The following STK3 variants were observed in gnomAD, a reference collection of about 807,000 sequenced individuals.
STK3 encodes the protein serine/threonine-protein kinase 3.
STK3 carries 41 observed loss-of-function variants against 58.0 expected under a neutral mutation model. The observed-to-expected ratio is 0.71, with a 90% CI of 0.55 to 0.92. The LOEUF (loss-of-function observed/expected upper bound fraction) is 0.92. Among genes scored for constraint, STK3 ranks in the 40% least tolerant of loss-of-function variants. STK3 has a pLI of 0.00. For synonymous variants in STK3, 170 were observed against 191.0 expected (o/e 0.89, Z 0.91); for missense variants, 479 against 602.7 (o/e 0.79, Z 2.15).
chr8:98,627,606 AG>A (rs1818833049), intron 6 of STK3, among the ~76,000 whole-genome samples: 1 of 152,104 alleles, frequency 6.6e-6, no homozygotes, highest in Non-Finnish European at 1.5e-5. Flanking sequence ...TGCCTCAGGA[AG>A]TAAAAGCTTC....
chr8:98,881,433 T>C (rs183960216), downstream of STK3: 2 of 152,352 alleles, frequency 1.3e-5, no homozygotes, highest in African/African-American at 4.8e-5. Context: ...TTCTGTCCGA[T>C]ACTGTTGTGG....
intron 10 of STK3, among the ~76,000 whole-genome samples, chr8:98,522,148 C>T (rs2131458914): frequency 6.6e-6 from 1 of 152,170 alleles, no homozygotes; most frequent in South Asian, 2.1e-4. Context: ...CAGGAGTTAG[C>T]CATTGGAAAA....
intron 1 of STK3, among the ~76,000 whole-genome samples, chr8:98,778,056 G>A (rs1335846006): frequency 2.6e-5 from 4 of 152,142 alleles, no homozygotes; most frequent in Non-Finnish European, 5.9e-5. Context: ...AAGAGCTTCT[G>A]CACAGCAAAA....
At chr8:98,938,153 T>TAA (rs60711152) in intron 1 of STK3, among the ~76,000 whole-genome samples, 269 of 148,422 alleles carry the variant, frequency 1.8e-3, no homozygotes, top group Non-Finnish European at 2.6e-3. Context: ...AATTAAAGCT[T>TAA]AAAAAAAAAA....
chr8:98,585,307 T>A (rs889974395), intron 7 of STK3, among the ~76,000 whole-genome samples: 1 of 152,248 alleles, frequency 6.6e-6, no homozygotes, highest in African/African-American at 2.4e-5. Flanking sequence ...TTCAGCCTTC[T>A]ACATATGACT....
At chr8:98,754,747 T>C (rs2131378108) in intron 3 of STK3, among the ~76,000 whole-genome samples, 1 of 152,238 alleles carries the variant, frequency 6.6e-6, no homozygotes. Context: ...TGGCCTCATG[T>C]GTTCTGCCTG....
chr8:98,737,152 G>C (rs1828665100), intron 4 of STK3, among the ~76,000 whole-genome samples: 1 of 151,866 alleles, frequency 6.6e-6, no homozygotes, highest in Non-Finnish European at 1.5e-5. Context: ...TCTTTTTTTA[G>C]ATTTATAAAG....
chr8:98,785,659 T>G (rs752637327), intron 1 of STK3, among the ~76,000 whole-genome samples: 7 of 152,076 alleles, frequency 4.6e-5, no homozygotes, highest in Non-Finnish European at 7.4e-5. Flanking sequence ...GGATCAAATA[T>G]ATACCCAGTC....
intron 1 of STK3, among the ~76,000 whole-genome samples, chr8:98,382,062 C>G (rs756619646): frequency 1.3e-5 from 2 of 152,208 alleles, no homozygotes; most frequent in Non-Finnish European, 2.9e-5. Context: ...GGGGAAGGAC[C>G]TCCATCCTTT....
intron 4 of STK3, among the ~76,000 whole-genome samples, chr8:98,745,771 G>C (rs1829599749): frequency 6.6e-6 from 1 of 151,992 alleles, no homozygotes; most frequent in Non-Finnish European, 1.5e-5. Context: ...CCATATCCTA[G>C]ATGTAAAGGA....
At chr8:98,486,855 G>T (rs1199305661) in intron 10 of STK3, among the ~76,000 whole-genome samples, 1 of 152,164 alleles carries the variant, frequency 6.6e-6, no homozygotes, top group Non-Finnish European at 1.5e-5. Context: ...GTGAAGTTGA[G>T]TTGAGGTGGC....
intron 1 of STK3, among the ~76,000 whole-genome samples, chr8:98,934,990 T>G (rs1420554908): frequency 6.6e-6 from 1 of 151,044 alleles, no homozygotes; most frequent in Non-Finnish European, 1.5e-5. Flanking sequence ...CTAGACATCC[T>G]ATGGCTAAAA....
At chr8:98,405,264 A>G (rs1360233130) in intron 3 of STK3, among the ~76,000 whole-genome samples, 1 of 151,992 alleles carries the variant, frequency 6.6e-6, no homozygotes, top group East Asian at 1.9e-4. Flanking sequence ...CTGAGAATCC[A>G]CTTCTGATGG....
intron 7 of STK3, among the ~76,000 whole-genome samples, chr8:98,592,124 T>C (rs1207667771): frequency 2.0e-5 from 3 of 152,228 alleles, no homozygotes; most frequent in South Asian, 2.1e-4. Flanking sequence ...GACATTCTTT[T>C]CTTACATTCT....
At chr8:98,600,947 T>C (rs1816291740) in intron 6 of STK3, among the ~76,000 whole-genome samples, 1 of 152,182 alleles carries the variant, frequency 6.6e-6, no homozygotes, top group African/African-American at 2.4e-5. Context: ...TCTTAAAAAT[T>C]TAAACTGTCA....
downstream of STK3, among the ~76,000 whole-genome samples, chr8:98,450,883 A>G (rs760129012): frequency 1.3e-5 from 2 of 152,212 alleles, no homozygotes; most frequent in African/African-American, 2.4e-5. Flanking sequence ...CTAACATTCT[A>G]AAGCTAGACC....
chr8:98,652,474 C>G (rs1249016273), intron 6 of STK3, among the ~76,000 whole-genome samples: 1 of 151,686 alleles, frequency 6.6e-6, no homozygotes, highest in African/African-American at 2.4e-5. Context: ...CAAATTCACA[C>G]ATAACAATAT....
intron 8 of STK3, among the ~76,000 whole-genome samples, chr8:98,562,742 A>G (rs1332182180): frequency 2.3e-5 from 3 of 132,118 alleles, no homozygotes; most frequent in Non-Finnish European, 3.4e-5. Context: ...AAAATGAAAA[A>G]AAAAAAAAAA....
chr8:98,707,525 C>T (rs1826053004), intron 4 of STK3, among the ~76,000 whole-genome samples: 1 of 151,998 alleles, frequency 6.6e-6, no homozygotes, highest in Non-Finnish European at 1.5e-5. Context: ...ACCTCAGCTT[C>T]CCGAGTAGCT....
Sources: gnomAD v4.1 joint callset for allele counts (sites outside exome capture counted in the v4.1 genomes callset) on GRCh38, gnomAD v4.1.1 for gene constraint, MANE v1.5 for transcripts, NCBI Gene and HGNC (gene_info 2026-07-23, HGNC 2026-07-21) for gene names.